The following VEPH1 variants were observed in gnomAD, a reference collection of about 807,000 sequenced individuals.
VEPH1 encodes the protein ventricular zone-expressed PH domain-containing protein homolog 1.
VEPH1 carries 80 observed loss-of-function variants against 85.2 expected under a neutral mutation model. That is an observed-to-expected ratio of 0.94 (90% CI 0.78 to 1.13). The LOEUF is 1.13. Among genes scored for constraint, VEPH1 ranks in the 50% most tolerant of loss-of-function variants. The pLI is 0.00. For missense variants in VEPH1, 955 were observed against 980.5 expected (o/e 0.97, Z 0.35); for synonymous variants, 297 against 348.0 (o/e 0.85, Z 1.63).
intron 6 of VEPH1, among the ~76,000 whole-genome samples, chr3:157,395,045 C>T (rs73873670): frequency 1.2e-3 from 189 of 152,306 alleles, no homozygotes; most frequent in African/African-American, 4.1e-3. Flanking sequence ...CCAGCTGCTT[C>T]AGGATCAAGG....
intron 3 of VEPH1, among the ~76,000 whole-genome samples, chr3:157,461,848 G>A (rs1166173969): frequency 6.6e-6 from 1 of 151,720 alleles, no homozygotes; most frequent in East Asian, 1.9e-4. Context: ...ACATCTCGAT[G>A]GCCTCAGAGT....
chr3:157,389,705 A>G (rs1729677659), intron 6 of VEPH1, among the ~76,000 whole-genome samples: 2 of 152,178 alleles, frequency 1.3e-5, no homozygotes, highest in Non-Finnish European at 2.9e-5. Context: ...AAATGCGTAC[A>G]TAGATGGACC....
intron 11 of VEPH1, among the ~76,000 whole-genome samples, chr3:157,300,396 C>T (rs1030600374): frequency 2.6e-5 from 4 of 152,204 alleles, no homozygotes; most frequent in African/African-American, 9.6e-5. Flanking sequence ...AAGGAATGTT[C>T]ACGACAGTAG....
chr3:157,370,311 G>A (rs1727348694), intron 7 of VEPH1, among the ~76,000 whole-genome samples: 2 of 152,136 alleles, frequency 1.3e-5, no homozygotes, highest in Admixed American at 1.3e-4. Flanking sequence ...TCTCTTCCTG[G>A]CTCCTTAAAT....
chr3:157,266,134 A>C (rs1041600506), intron 12 of VEPH1, among the ~76,000 whole-genome samples: 16 of 150,706 alleles, frequency 1.1e-4, no homozygotes, highest in Non-Finnish European at 1.5e-5. Context: ...AACTGCTGGA[A>C]ATATAGCTTT....
intron 12 of VEPH1, 85 bp downstream of exon 12, chr3:157,286,472 G>A: frequency 9.4e-7 from 1 of 1,060,346 alleles, no homozygotes; most frequent in Non-Finnish European, 1.5e-6. Context: ...TTATGCAAGA[G>A]GAAGGCCACC....
chr3:157,326,879 C>T (rs553021654), intron 9 of VEPH1, among the ~76,000 whole-genome samples: 127 of 152,300 alleles, frequency 8.3e-4, no homozygotes, highest in Middle Eastern at 3.4e-3. Flanking sequence ...TGAAGCCAGA[C>T]AGAAAGGAAT....
chr3:157,437,432 A>G lies in VEPH1; in HGVS notation c.530-8944T>C. ...CAGGAACGGGCTGCAACTTGGCACC[A>G]CCGAGGGAGGTCAGCTTTTACAAAG... On this transcript the variant is annotated intron_variant, in intron 4 of 13. Transcript: ENST00000362010. 3 of 1,521,636 alleles carry G rather than the reference A, an allele frequency of 2.0e-6. No individual in the cohort carries two copies. In the South Asian group the frequency reaches 3.6e-5, roughly 18 times the overall value. The allele number at this position is 1,521,636 out of a possible 1,614,324, so 94.3% of individuals were successfully genotyped here. A position where few individuals can be genotyped will look rare whatever the true frequency, so the allele number is the denominator to read the frequency against.
chr3:157,355,132 A>AC (rs997842851), intron 9 of VEPH1, among the ~76,000 whole-genome samples: 21 of 151,894 alleles, frequency 1.4e-4, no homozygotes, highest in Non-Finnish European at 8.8e-5. Flanking sequence ...AGCTACTTTG[A>AC]CCCCCAGATT....
At chr3:157,433,215 T>C (rs1306833206) in intron 4 of VEPH1, among the ~76,000 whole-genome samples, 1 of 152,160 alleles carries the variant, frequency 6.6e-6, no homozygotes, top group Non-Finnish European at 1.5e-5. Context: ...CTTCTCCTTA[T>C]GTCCTTATGT....
intron 9 of VEPH1, among the ~76,000 whole-genome samples, chr3:157,348,457 A>G (rs1258477923): frequency 2.0e-5 from 3 of 151,982 alleles, no homozygotes; most frequent in African/African-American, 7.3e-5. Context: ...AACTGGGGTG[A>G]GGCAATACCT....
rs575850878 is a variant in VEPH1 at position 157,422,536 on chromosome 3, T to C, written c.696+5786A>G. Among the ~76,000 whole-genome samples the C allele has an allele frequency of 2.6e-5, 4 of 152,290 alleles. No homozygotes were observed. The South Asian group carries it at 8.3e-4, about 32-fold the overall frequency. On this transcript the variant is annotated intron_variant, in intron 5 of 13. Transcript: ENST00000362010. ...GGAAACTCCTCCTCTTGTAGCCTTC[T>C]CTACAGTGGAAGTGGAAGCTGCCCA...
At chr3:157,262,858 G>A (rs1202190072) in intron 13 of VEPH1, among the ~76,000 whole-genome samples, 1 of 152,152 alleles carries the variant, frequency 6.6e-6, no homozygotes, top group Non-Finnish European at 1.5e-5. Context: ...TACTTTGTTA[G>A]CCTAATTTGG....
chr3:157,477,837 T>C (rs1019730092), intron 2 of VEPH1, among the ~76,000 whole-genome samples: 8 of 152,134 alleles, frequency 5.3e-5, no homozygotes, highest in Non-Finnish European at 8.8e-5. Context: ...AATGGCACCA[T>C]CCCTCAAGGA....
intron 2 of VEPH1, among the ~76,000 whole-genome samples, chr3:157,483,660 G>A (rs1738346365): frequency 1.3e-5 from 2 of 152,080 alleles, no homozygotes; most frequent in Non-Finnish European, 1.5e-5. Flanking sequence ...AAGACTTAAT[G>A]GATTGGAAGA....
At chr3:157,391,528 G>A (rs773101293) in intron 6 of VEPH1, among the ~76,000 whole-genome samples, 6 of 152,138 alleles carry the variant, frequency 3.9e-5, no homozygotes, top group African/African-American at 4.8e-5. Context: ...CATTACCAGC[G>A]GCATGGCTGC....
chr3:157,425,766 G>A (rs538330975), intron 5 of VEPH1, among the ~76,000 whole-genome samples: 61 of 152,306 alleles, frequency 4.0e-4, no homozygotes, highest in African/African-American at 1.5e-3. Flanking sequence ...GGACTGCTGA[G>A]AAGGCATGGT....
intron 7 of VEPH1, among the ~76,000 whole-genome samples, chr3:157,375,516 T>A (rs1727988764): frequency 1.3e-5 from 2 of 152,164 alleles, no homozygotes; most frequent in African/African-American, 4.8e-5. Context: ...ACACAATACA[T>A]CAAATATGTC....
rs747892152 is a variant in VEPH1 at position 157,428,358 on chromosome 3, C to T, written c.660G>A (p.Arg220=). 4 of 1,614,062 alleles carry T rather than the reference C, an allele frequency of 2.5e-6. No individual in the cohort carries two copies. The highest frequency in any genetic ancestry group is 3.4e-6 in the Non-Finnish European group (4 of 1,179,960). The change falls in exon 5 of 14, where the codon CGG becomes CGA. Residue 220 remains arginine, a synonymous_variant. Transcript: ENST00000362010. Reference sequence around the variant, plus strand: ...TTTTCTTTGCTGCTACATGCAAAAGCCGTAGTAGATGGTACTGTTCTGGCT... The same window carrying T: ...TTTTCTTTGCTGCTACATGCAAAAGTCGTAGTAGATGGTACTGTTCTGGCT... ...LEQPEQYHLL[R]LLHVAAKKKQ... is the part of the protein sequence containing the mutation.
Sources: gnomAD v4.1 joint callset for allele counts (sites outside exome capture counted in the v4.1 genomes callset) on GRCh38, gnomAD v4.1.1 for gene constraint, MANE v1.5 for transcripts, NCBI Gene and HGNC (gene_info 2026-07-23, HGNC 2026-07-21) for gene names.